The following GRAMD1B variants were observed in gnomAD, a reference collection of about 807,000 sequenced individuals.
GRAMD1B encodes the protein GRAM domain containing 1B.
Under a neutral mutation model 99.7 loss-of-function variants are expected in GRAMD1B, and 37 were observed. That is an observed-to-expected ratio of 0.37 (90% CI 0.29 to 0.49). The LOEUF (loss-of-function observed/expected upper bound fraction) is 0.49. GRAMD1B is among the 20% of genes least tolerant of loss of function. GRAMD1B has a pLI of 0.98. For missense variants in GRAMD1B, 888 were observed against 1,009.2 expected (o/e 0.88, Z 1.63); for synonymous variants, 427 against 387.6 (o/e 1.10, Z -1.19).
At chr11:123,502,865 T>A (rs546445929) in intron 2 of GRAMD1B, among the ~76,000 whole-genome samples, 2 of 152,270 alleles carry the variant, frequency 1.3e-5, no homozygotes, top group African/African-American at 4.8e-5. Context: ...TGGCCTATCT[T>A]AAACATACTC....
intron 2 of GRAMD1B, among the ~76,000 whole-genome samples, chr11:123,560,858 C>A (rs541198403): frequency 7.5e-4 from 114 of 152,206 alleles, no homozygotes; most frequent in African/African-American, 2.7e-3. Flanking sequence ...CTGACGCAGG[C>A]TGCTCAGAGC....
rs116669412 is a variant in GRAMD1B, at chr11:123,364,716, C to A, written c.-176+5917C>A. Reference sequence around the variant, plus strand: ...CAGGTCTCTCTGCTCAGCCATGCTCCAGAGTTGAAATGTTTCTCAGTGGCA... The same window carrying A: ...CAGGTCTCTCTGCTCAGCCATGCTCAAGAGTTGAAATGTTTCTCAGTGGCA... On this transcript the variant is annotated intron_variant, in intron 1 of 20. Transcript: ENST00000638157. 3.5e-3 allele frequency among the ~76,000 whole-genome samples: 531 copies of A among 152,196 alleles called. 1 individual carries two copies. Among genetic ancestry groups the A allele is most frequent in the African/African-American group, 0.012 (496 of 41,528 alleles).
intron 2 of GRAMD1B, among the ~76,000 whole-genome samples, chr11:123,485,140 A>T (rs1334242777): frequency 6.6e-6 from 1 of 152,146 alleles, no homozygotes; most frequent in Non-Finnish European, 1.5e-5. Context: ...GATGAGGTGG[A>T]TATTATGGAT....
Position 123,513,515 on chromosome 11 carries a change from TTTCCTTCC to T in GRAMD1B, c.452+32645_452+32652del, listed in dbSNP as rs58960047. 3.1e-3 allele frequency among the ~76,000 whole-genome samples: 453 copies of T among 144,864 alleles called. 1 individual carries two copies. The highest frequency in any genetic ancestry group is 8.0e-3 in the African/African-American group (292 of 36,544). On this transcript the variant is annotated intron_variant, in intron 2 of 19. Transcript: ENST00000635736. The stretch of plus-strand genomic sequence containing the variant: ...TTCTTTCTCCCTCTCTCTTTCTTTC[TTTCCTTCC>T]TTCCTTCCTTCCTTCCTTCCTTTCC...
upstream of GRAMD1B, among the ~76,000 whole-genome samples, chr11:123,425,954 C>T (rs555969141): frequency 6.6e-6 from 1 of 152,326 alleles, no homozygotes; most frequent in Admixed American, 6.5e-5. Context: ...TTTCTCCTGT[C>T]TTCATCCCCG....
chr11:123,474,109 A>C (rs374658148), intron 1 of GRAMD1B, among the ~76,000 whole-genome samples: 1 of 152,162 alleles, frequency 6.6e-6, no homozygotes, highest in Non-Finnish European at 1.5e-5. Context: ...CTATTTCAAA[A>C]TATTCTGACA....
intron 1 of GRAMD1B, among the ~76,000 whole-genome samples, chr11:123,438,203 C>CT (rs1263059080): frequency 6.6e-6 from 1 of 152,268 alleles, no homozygotes; most frequent in South Asian, 2.1e-4. Flanking sequence ...TGCCTCGGTC[C>CT]CCCCAGGCAG....
intron 2 of GRAMD1B, among the ~76,000 whole-genome samples, chr11:123,575,184 A>G (rs571147788): frequency 6.6e-6 from 1 of 152,240 alleles, no homozygotes; most frequent in African/African-American, 2.4e-5. Context: ...TCCTCTGGTT[A>G]GAGTGTGTTG....
At chr11:123,488,933 G>T (rs1009638837) in intron 2 of GRAMD1B, among the ~76,000 whole-genome samples, 1 of 152,102 alleles carries the variant, frequency 6.6e-6, no homozygotes, top group African/African-American at 2.4e-5. Flanking sequence ...AATAGTTAGG[G>T]GGGGGCGGTC....
intron 1 of GRAMD1B, chr11:123,480,615 T>C (rs768661265): frequency 3.2e-5 from 12 of 374,338 alleles, no homozygotes; most frequent in Non-Finnish European, 5.7e-5. Context: ...TCTGCAGGTG[T>C]GATGGCTGGG....
chr11:123,364,941 C>T (rs189387604), intron 1 of GRAMD1B, among the ~76,000 whole-genome samples: 70 of 152,222 alleles, frequency 4.6e-4, no homozygotes, highest in African/African-American at 1.7e-3. Context: ...ATGGTTAACC[C>T]TGTCATGAGA....
At chr11:123,471,850 C>T (rs2134678152) in intron 1 of GRAMD1B, among the ~76,000 whole-genome samples, 1 of 152,286 alleles carries the variant, frequency 6.6e-6, no homozygotes. Flanking sequence ...CGACTTCATA[C>T]ATTTGGAGAG....
intron 2 of GRAMD1B, among the ~76,000 whole-genome samples, chr11:123,509,215 C>T (rs1444610016): frequency 6.6e-6 from 1 of 152,112 alleles, no homozygotes; most frequent in Non-Finnish European, 1.5e-5. Flanking sequence ...TTTATCTGGG[C>T]CTTAGTTTCC....
At position 123,618,479 on chromosome 11, in the gene GRAMD1B, A is replaced by G; in HGVS notation, c.2319-214A>G. The G allele has an allele frequency of 8.8e-6, 8 of 911,088 alleles. No individual in the cohort carries two copies. In the South Asian group the frequency reaches 9.3e-5, roughly 11 times the overall value. The allele number at this position is 911,088 out of a possible 1,614,324, so 56.4% of individuals were successfully genotyped here. A position where few individuals can be genotyped will look rare whatever the true frequency, so the allele number is the denominator to read the frequency against. On this transcript the variant is annotated intron_variant, in intron 17 of 19. Transcript: ENST00000635736. Reference sequence around the variant, plus strand: ...CTCTCCTTTCTAGTGCCTTCATCCCATGCCCCTCTCCATGGCTCTCCCCTG... The same window carrying G: ...CTCTCCTTTCTAGTGCCTTCATCCCGTGCCCCTCTCCATGGCTCTCCCCTG...
chr11:123,495,723 C>A (rs577695859), intron 2 of GRAMD1B, among the ~76,000 whole-genome samples: 1 of 130,358 alleles, frequency 7.7e-6, no homozygotes, highest in African/African-American at 2.9e-5. Context: ...TTTTGTGCAT[C>A]GGTTGTGTGT....
rs369881891 is a variant in GRAMD1B at position 123,608,807 on chromosome 11, G to A, written c.1657+5G>A. 25 of 1,528,190 alleles carry A rather than the reference G, an allele frequency of 1.6e-5. No homozygotes were observed. The highest frequency in any genetic ancestry group is 9.7e-5 in the South Asian group (8 of 82,620). 94.7% of individuals were successfully genotyped at this position (1,528,190 alleles called of 1,614,324 possible). A position where few individuals can be genotyped will look rare whatever the true frequency, so the allele number is the denominator to read the frequency against. Reference sequence around the variant, plus strand: ...TGGAGCAGCGGCGCTTCTCTGGTCCGTTCTGCTGGGACTGTACCCCCCATT... The same window carrying A: ...TGGAGCAGCGGCGCTTCTCTGGTCCATTCTGCTGGGACTGTACCCCCCATT... On this transcript the variant is annotated splice_donor_5th_base_variant and intron_variant, in intron 12 of 19. Coordinates refer to ENST00000635736, the MANE Select transcript of GRAMD1B (RefSeq NM_001387025.1).
chr11:123,563,528 T>C (rs1011163158), intron 2 of GRAMD1B, among the ~76,000 whole-genome samples: 122 of 152,026 alleles, frequency 8.0e-4, no homozygotes, highest in African/African-American at 2.5e-3. Flanking sequence ...TTTCTTTTTT[T>C]TGAGGCAAGG....
intron 2 of GRAMD1B, among the ~76,000 whole-genome samples, chr11:123,545,697 A>G (rs1290233414): frequency 6.6e-6 from 1 of 152,244 alleles, no homozygotes; most frequent in East Asian, 1.9e-4. Context: ...AGTTCTTACA[A>G]CAGAACTGCC....
At chr11:123,616,924 GA>G (rs2137075286) in intron 17 of GRAMD1B, among the ~76,000 whole-genome samples, 1 of 152,312 alleles carries the variant, frequency 6.6e-6, no homozygotes, top group South Asian at 2.1e-4. Flanking sequence ...CCGTGGCACT[GA>G]AATTCAACAT....
Sources: gnomAD v4.1 joint callset for allele counts (sites outside exome capture counted in the v4.1 genomes callset) on GRCh38, gnomAD v4.1.1 for gene constraint, MANE v1.5 for transcripts, NCBI Gene and HGNC (gene_info 2026-07-23, HGNC 2026-07-21) for gene names.